Variants in ADGB observed in about 807,000 individuals in gnomAD.
The protein encoded by ADGB is calpain-7-like protein.
A neutral mutation model predicts 210.5 loss-of-function variants in ADGB; 172 were observed. The observed-to-expected ratio is 0.82, with a 90% confidence interval of 0.72 to 0.93. The LOEUF is 0.93. ADGB is among the 40% of genes least tolerant of loss of function. ADGB has a pLI of 0.00. For missense variants in ADGB, 2,025 were observed against 1,964.8 expected (o/e 1.03, Z -0.58); for synonymous variants, 658 against 662.7 (o/e 0.99, Z 0.11).
At chr6:146,606,092 T>G (rs928219285) in intron 1 of ADGB, among the ~76,000 whole-genome samples, 7 of 152,150 alleles carry the variant, frequency 4.6e-5, no homozygotes, top group Admixed American at 3.9e-4. Context: ...CATCTGTTAT[T>G]TTTTGACTTT....
At chr6:146,803,821 A>C in intron 35 of ADGB, 1 of 440,466 alleles carries the variant, frequency 2.3e-6, no homozygotes, top group Non-Finnish European at 4.0e-6. Flanking sequence ...GCCGAGTCCC[A>C]CTCAGGGCCA....
intron 1 of ADGB, among the ~76,000 whole-genome samples, chr6:146,621,456 G>A (rs1427699477): frequency 6.6e-6 from 1 of 152,072 alleles, no homozygotes; most frequent in Non-Finnish European, 1.5e-5. Context: ...ATTCCAAAAG[G>A]TGAGGAGATT....
intron 27 of ADGB, among the ~76,000 whole-genome samples, chr6:146,760,835 T>C (rs1225685181): frequency 2.0e-5 from 3 of 151,980 alleles, no homozygotes; most frequent in Non-Finnish European, 4.4e-5. Flanking sequence ...TTAATTTGCA[T>C]TTCCCTTATG....
At position 146,634,253 on chromosome 6, in the gene ADGB, G is replaced by C. The variant is rs1775362355; in HGVS notation, c.75-1122G>C. ...ACCATTTGTGTAGTGTGCTTACTAG[G>C]TTTGTGTAAGCACACTCTGTTGTTT... On this transcript the variant is annotated intron_variant, in intron 1 of 35. Transcript: ENST00000397944. 3.3e-5 allele frequency among the ~76,000 whole-genome samples: 5 copies of C among 152,196 alleles called. No homozygotes were observed. The South Asian group carries it at 1.0e-3, about 32-fold the overall frequency.
chr6:146,758,605 G>A (rs1777443282), intron 27 of ADGB, among the ~76,000 whole-genome samples: 1 of 151,964 alleles, frequency 6.6e-6, no homozygotes, highest in African/African-American at 2.4e-5. Flanking sequence ...CTGGGTCAGA[G>A]ATCAGAAATT....
At chr6:146,700,116 G>A (rs146145998) in intron 12 of ADGB, among the ~76,000 whole-genome samples, 1,667 of 152,262 alleles carry the variant, frequency 0.011, 20 homozygotes, top group Non-Finnish European at 0.018. Context: ...CTTTGCTGTC[G>A]CAGATCAACA....
At chr6:146,623,235 T>G (rs1780922315) in intron 1 of ADGB, among the ~76,000 whole-genome samples, 1 of 152,010 alleles carries the variant, frequency 6.6e-6, no homozygotes, top group Admixed American at 6.6e-5. Flanking sequence ...GCTGGGATTT[T>G]GATTGAGATT....
At chr6:146,763,138 G>T (rs2114624320) in intron 27 of ADGB, among the ~76,000 whole-genome samples, 1 of 152,292 alleles carries the variant, frequency 6.6e-6, no homozygotes, top group East Asian at 1.9e-4. Context: ...TTGGGAAGGT[G>T]CTTGCAGGCA....
intron 16 of ADGB, among the ~76,000 whole-genome samples, chr6:146,720,345 T>C (rs1776795064): frequency 6.6e-6 from 1 of 152,158 alleles, no homozygotes; most frequent in Non-Finnish European, 1.5e-5. Flanking sequence ...TCTAATTATA[T>C]TAAGTATTAT....
At chr6:146,673,426 A>T (rs2114904502) in intron 8 of ADGB, among the ~76,000 whole-genome samples, 1 of 152,304 alleles carries the variant, frequency 6.6e-6, no homozygotes, top group South Asian at 2.1e-4. Flanking sequence ...TGCTTCCCTA[A>T]GAAATGCATC....
At chr6:146,614,162 C>G (rs889586190) in intron 1 of ADGB, among the ~76,000 whole-genome samples, 52 of 151,108 alleles carry the variant, frequency 3.4e-4, no homozygotes, top group Non-Finnish European at 6.5e-4. Flanking sequence ...CCTTTTATCC[C>G]CAAACTTGTT....
At chr6:146,691,065 C>T in intron 10 of ADGB, 51 bp from the exon 11 acceptor site, 1 of 1,430,338 alleles carries the variant, frequency 7.0e-7, no homozygotes, top group Non-Finnish European at 9.2e-7. Context: ...TTGGAAAAAG[C>T]ATTGTTTTGA....
At chr6:146,614,186 TCCC>T (rs1780752260) in intron 1 of ADGB, among the ~76,000 whole-genome samples, 9 of 102,646 alleles carry the variant, frequency 8.8e-5, no homozygotes, top group Admixed American at 3.9e-4. Flanking sequence ...TCTCCCTCCC[TCCC>T]TCCCTCCCTC....
At chr6:146,648,607 C>T (rs1291122327) in intron 3 of ADGB, among the ~76,000 whole-genome samples, 5 of 151,950 alleles carry the variant, frequency 3.3e-5, no homozygotes, top group East Asian at 3.9e-4. Flanking sequence ...AACTCACTCA[C>T]GATGATGAGA....
chr6:146,691,455 T>A (rs9403805), intron 11 of ADGB, among the ~76,000 whole-genome samples, 165 bp downstream of exon 11: 3 of 54,208 alleles, frequency 5.5e-5, no homozygotes, highest in Middle Eastern at 6.0e-3. Flanking sequence ...AATATATATA[T>A]ATAAAAATAT....
intron 12 of ADGB, among the ~76,000 whole-genome samples, chr6:146,697,470 A>G (rs2114539641): frequency 6.6e-6 from 1 of 152,322 alleles, no homozygotes; most frequent in Admixed American, 6.5e-5. Flanking sequence ...TTAAAAAATA[A>G]AATAGAAATT....
intron 16 of ADGB, among the ~76,000 whole-genome samples, chr6:146,720,392 T>C (rs1776795661): frequency 6.6e-6 from 1 of 152,204 alleles, no homozygotes; most frequent in South Asian, 2.1e-4. Flanking sequence ...GATACATTAA[T>C]AGTACCCATA....
At chr6:146,702,560 A>G (rs1250060421) in intron 13 of ADGB, among the ~76,000 whole-genome samples, 1 of 151,830 alleles carries the variant, frequency 6.6e-6, no homozygotes, top group East Asian at 1.9e-4. Flanking sequence ...AACTTTCAGG[A>G]TTTTTTAATG....
At chr6:146,798,965 A>G (rs1162769786) in intron 33 of ADGB, among the ~76,000 whole-genome samples, 1 of 150,646 alleles carries the variant, frequency 6.6e-6, no homozygotes, top group Non-Finnish European at 1.5e-5. Context: ...ATACCCCTCA[A>G]ATTGATCTAT....
Sources: gnomAD v4.1 joint callset for allele counts (sites outside exome capture counted in the v4.1 genomes callset) on GRCh38, gnomAD v4.1.1 for gene constraint, MANE v1.5 for transcripts, NCBI Gene and HGNC (gene_info 2026-07-23, HGNC 2026-07-21) for gene names.